SLC28A1: variants seen among roughly 807,000 people sequenced by gnomAD.
SLC28A1 encodes the protein solute carrier family 28 member 1.
In SLC28A1, 64 loss-of-function variants were observed where a neutral mutation model predicts 74.8. That is an observed-to-expected ratio of 0.86 (90% CI 0.70 to 1.05). The LOEUF is 1.05. SLC28A1 is among the 50% of genes least tolerant of loss of function. The probability of loss-of-function intolerance (pLI) is 0.00; values close to 1 mark genes in which losing one functional copy is unlikely to be tolerated. For missense variants in SLC28A1, 828 were observed against 822.8 expected (o/e 1.01, Z -0.08); for synonymous variants, 359 against 335.0 (o/e 1.07, Z -0.78).
At chr15:84,895,173 G>A (rs1400111813) in intron 6 of SLC28A1, 50 bp downstream of exon 6, 2 of 1,605,674 alleles carry the variant, frequency 1.2e-6, no homozygotes, top group East Asian at 4.5e-5. Flanking sequence ...CCCATGAGCT[G>A]AGGGGTTGGC....
In SLC28A1 at chr15:84,894,344, C is replaced by T. The variant is rs143544732; in HGVS notation, c.278-596C>T. 1.6e-3 allele frequency among the ~76,000 whole-genome samples: 230 copies of T among 147,662 alleles called. 2 individuals carry two copies. The highest frequency in any genetic ancestry group is 5.4e-3 in the African/African-American group (212 of 39,304). On this transcript the variant is annotated intron_variant, in intron 5 of 18. Coordinates refer to ENST00000394573, the MANE Select transcript of SLC28A1 (RefSeq NM_004213.5). ...CCGAGATCATGCCACTGTACTCCAG[C>T]CTGGGCAACAAAGTGAGACCCTATC...
chr15:84,908,596 C>CCG (rs373191647), intron 8 of SLC28A1, 122 bp from the exon 9 acceptor site: 1 of 789,208 alleles, frequency 1.3e-6, no homozygotes, highest in Admixed American at 2.0e-5. Flanking sequence ...TGCCCCCCCC[C>CCG]GGATAAGGGC....
intron 15 of SLC28A1, among the ~76,000 whole-genome samples, chr15:84,937,735 C>G (rs888948458): frequency 6.6e-6 from 1 of 151,644 alleles, no homozygotes; most frequent in African/African-American, 2.4e-5. Flanking sequence ...AACCCCTTCT[C>G]TACTAAAAAT....
intron 5 of SLC28A1, among the ~76,000 whole-genome samples, chr15:84,893,381 C>T (rs1015770036): frequency 2.0e-5 from 3 of 152,246 alleles, no homozygotes; most frequent in Admixed American, 6.5e-5. Context: ...TGTGGGGCTC[C>T]ACCCGTGTGT....
At chr15:84,898,029 C>T (rs967783984) in intron 6 of SLC28A1, among the ~76,000 whole-genome samples, 51 of 152,190 alleles carry the variant, frequency 3.4e-4, no homozygotes, top group African/African-American at 1.2e-3. Context: ...TTTATCCATT[C>T]ATCTGTTGAT....
chr15:84,942,833 G>T (rs28396854), intron 15 of SLC28A1, among the ~76,000 whole-genome samples: 59,856 of 151,950 alleles, frequency 0.39, 13,259 homozygotes, highest in Middle Eastern at 0.65. Flanking sequence ...TAGGGCCAAA[G>T]CGACAGGACT....
intron 6 of SLC28A1, chr15:84,895,762 A>AT: frequency 8.2e-7 from 1 of 1,226,472 alleles, no homozygotes; most frequent in East Asian, 4.4e-5. Context: ...GCTGGGGGAA[A>AT]AAAACAGTTT....
In SLC28A1 at chr15:84,944,865, G is replaced by T; in HGVS notation, c.1872G>T (p.Gln624His). The T allele has an allele frequency of 6.2e-7, 1 of 1,605,320 alleles. No individual in the cohort carries two copies. Among genetic ancestry groups the T allele is most frequent in the East Asian group, 2.2e-5 (1 of 44,858 alleles). The change falls in exon 18 of 19, where the codon CAG becomes CAT. Residue 624 changes from glutamine (Q) to histidine (H), a missense_variant and splice_region_variant. Physicochemically the swap from Gln to His is conservative, Grantham distance 24. Around this residue, in one of 3 missense-constraint regions of SLC28A1, gnomAD observed 53 missense variants for 44.5 expected, o/e 1.19. Coordinates refer to ENST00000394573, the MANE Select transcript of SLC28A1 (RefSeq NM_004213.5). ...EIYQCCREAF[Q>H]SVNPEFSPEA... ...ACCAGTGCTGCCGTGAGGCCTTCCA[G>T]AGGTGAGGGCCTGGGCTGTGGGACC... is the stretch of plus-strand genomic sequence containing the variant.
At chr15:84,886,921 G>A in intron 2 of SLC28A1, 134 bp downstream of exon 2, 7 of 322,900 alleles carry the variant, frequency 2.2e-5, no homozygotes, top group African/African-American at 2.2e-5. Flanking sequence ...AACTGGGCTG[G>A]CATTTGGATG....
At chr15:84,906,250 C>A (rs1007582205) in intron 8 of SLC28A1, among the ~76,000 whole-genome samples, 5 of 151,640 alleles carry the variant, frequency 3.3e-5, no homozygotes, top group Non-Finnish European at 5.9e-5. Context: ...GAACTCCTGA[C>A]CTCAGACGAT....
chr15:84,963,325 C>T, the SLC28A1 span, among the ~76,000 whole-genome samples: 48 of 152,278 alleles, frequency 3.2e-4, no homozygotes, highest in African/African-American at 1.1e-3. Flanking sequence ...TTTATACACC[C>T]TCTCCCCAGG....
intron 8 of SLC28A1, 128 bp from the exon 9 acceptor site, chr15:84,908,590 C>CG: frequency 3.9e-6 from 3 of 761,106 alleles, no homozygotes; most frequent in Non-Finnish European, 4.6e-6. Context: ...AGGTGGTGCC[C>CG]CCCCCCGGAT....
At chr15:84,946,857 C>G (rs532221940), downstream of SLC28A1, among the ~76,000 whole-genome samples, 1 of 152,290 alleles carries the variant, frequency 6.6e-6, no homozygotes, top group East Asian at 1.9e-4. Context: ...CTGCTCCCAT[C>G]TCAGTTCTCA....
At chr15:84,966,585 G>T in the SLC28A1 span, among the ~76,000 whole-genome samples, 8 of 152,214 alleles carry the variant, frequency 5.3e-5, no homozygotes, top group South Asian at 6.2e-4. Flanking sequence ...CCTGAGACTG[G>T]GCAATTTACA....
At position 84,918,603 on chromosome 15, in the gene SLC28A1, A is replaced by G. The variant is rs1291322603; in HGVS notation, c.875A>G (p.Lys292Arg). ...GGCCTCATGCAGTGGGTGATCCTGA[A>G]GGTAAGTTCCCAGTGCCCATGGCCA... ...HVGLMQWVILKIAWLMQVTMG... is the reference protein window; with the variant it reads ...HVGLMQWVILRIAWLMQVTMG... Residue 292 changes from lysine to arginine, a missense_variant and splice_region_variant, in exon 10 of 19, where the codon AAG becomes AGG. Lys to Arg is a conservative substitution (Grantham distance 26). Coordinates refer to ENST00000394573, the MANE Select transcript of SLC28A1 (RefSeq NM_004213.5). 1 of 1,611,040 alleles carries G rather than the reference A, an allele frequency of 6.2e-7. No individual in the cohort carries two copies. The highest frequency in any genetic ancestry group is 1.7e-5 in the Admixed American group (1 of 60,006).
At chr15:84,939,615 T>G (rs2142036220) in intron 15 of SLC28A1, 1 of 152,280 alleles carries the variant, frequency 6.6e-6, no homozygotes, top group African/African-American at 2.4e-5. Context: ...ATTTTTTGGT[T>G]TTTAAATGTA....
chr15:84,902,445 A>C (rs1966776599), intron 6 of SLC28A1, among the ~76,000 whole-genome samples: 3 of 151,448 alleles, frequency 2.0e-5, no homozygotes, highest in Admixed American at 1.3e-4. Context: ...GTGCCACTGC[A>C]CTGCAGCTTG....
chr15:84,933,588 A>G (rs1190435128), intron 13 of SLC28A1, among the ~76,000 whole-genome samples: 3 of 152,162 alleles, frequency 2.0e-5, no homozygotes, highest in Admixed American at 1.3e-4. Flanking sequence ...CAGAGTCCCA[A>G]GTTGGCACAG....
intron 14 of SLC28A1, 32 bp downstream of exon 14, chr15:84,935,226 G>A (rs1285313821): frequency 6.2e-7 from 1 of 1,613,538 alleles, no homozygotes; most frequent in South Asian, 1.1e-5. Flanking sequence ...TCAGTCTGTA[G>A]AGAGGATGGC....
Sources: gnomAD v4.1 joint callset for allele counts (sites outside exome capture counted in the v4.1 genomes callset) on GRCh38, gnomAD v4.1.1 for gene constraint, gnomAD v4.1.1 regional missense constraint, MANE v1.5 for transcripts, NCBI Gene and HGNC (gene_info 2026-07-23, HGNC 2026-07-21) for gene names.